PKNOX2: variants seen among roughly 807,000 people sequenced by gnomAD.
PKNOX2 encodes homeobox protein PKNOX2.
A neutral mutation model predicts 53.1 loss-of-function variants in PKNOX2; 14 were observed. The ratio of observed to expected loss-of-function variants is 0.26; its 90% CI spans 0.17 to 0.41. PKNOX2 has a LOEUF of 0.41. Ranked by LOEUF, PKNOX2 falls within the 10% of genes least tolerant of loss-of-function variation. PKNOX2 has a pLI of 1.00. For missense variants in PKNOX2, 496 were observed against 602.8 expected, an observed-to-expected ratio of 0.82 and a Z score of 1.85; for synonymous variants, 257 against 242.8, an observed-to-expected ratio of 1.06 and a Z score of -0.54.
At chr11:125,237,379 C>T (rs965879697) in intron 2 of PKNOX2, among the ~76,000 whole-genome samples, 1 of 152,140 alleles carries the variant, frequency 6.6e-6, no homozygotes, top group Non-Finnish European at 1.5e-5. Context: ...ACATAAATAC[C>T]CCCCTTCTCC....
chr11:125,329,135 AC>A (rs2136100085), intron 2 of PKNOX2, among the ~76,000 whole-genome samples: 1 of 152,368 alleles, frequency 6.6e-6, no homozygotes, highest in East Asian at 1.9e-4. Context: ...ATTATAGTAT[AC>A]CCATAAATGG....
In PKNOX2 at chr11:125,431,519, A is replaced by T; in HGVS notation, c.*127A>T. 1 of 1,127,050 alleles carries T rather than the reference A, an allele frequency of 8.9e-7. No homozygotes were observed. 69.8% of individuals were successfully genotyped at this position (1,127,050 alleles called of 1,614,324 possible). ...AGTTGGGCCCTAGCTTCCCCAAATC[A>T]GTAGCTTGAAGAAAGGCAAAGGAGA... On this transcript the variant is annotated 3_prime_UTR_variant, in exon 13 of 13. Coordinates refer to ENST00000298282, the MANE Select transcript of PKNOX2 (RefSeq NM_001382323.2).
At chr11:125,275,014 T>C (rs1293233563) in intron 2 of PKNOX2, among the ~76,000 whole-genome samples, 1 of 152,236 alleles carries the variant, frequency 6.6e-6, no homozygotes, top group African/African-American at 2.4e-5. Flanking sequence ...TGCAAGGCTT[T>C]ATTGTAGGTT....
chr11:125,324,193 A>G (rs1036062986), intron 2 of PKNOX2, among the ~76,000 whole-genome samples: 7 of 152,176 alleles, frequency 4.6e-5, no homozygotes, highest in African/African-American at 1.7e-4. Flanking sequence ...CTAGATAGGC[A>G]GGTGGACTCC....
chr11:125,186,443 G>C (rs1045485406), intron 1 of PKNOX2, among the ~76,000 whole-genome samples: 32 of 152,158 alleles, frequency 2.1e-4, no homozygotes, highest in Admixed American at 5.2e-4. Context: ...CTTGAGCCCA[G>C]GAGTTTGAGA....
chr11:125,364,403 G>A (rs1231944926), intron 4 of PKNOX2, among the ~76,000 whole-genome samples: 1 of 152,210 alleles, frequency 6.6e-6, no homozygotes, highest in African/African-American at 2.4e-5. Flanking sequence ...ACACTGGCAA[G>A]TGACCATTTT....
At chr11:125,351,160 G>A (rs957823592) in intron 3 of PKNOX2, 124 bp from the exon 4 acceptor site, 3 of 703,156 alleles carry the variant, frequency 4.3e-6, no homozygotes, top group Non-Finnish European at 7.9e-6. Flanking sequence ...CCTGAAGGGC[G>A]TGCAACCCTT....
At chr11:125,235,756 G>T (rs148953991) in intron 2 of PKNOX2, among the ~76,000 whole-genome samples, 4 of 152,132 alleles carry the variant, frequency 2.6e-5, no homozygotes, top group African/African-American at 7.2e-5. Context: ...CTGAAATTCC[G>T]CAGCATTCAC....
At chr11:125,178,185 C>T (rs1171240500) in intron 1 of PKNOX2, among the ~76,000 whole-genome samples, 6 of 152,086 alleles carry the variant, frequency 3.9e-5, no homozygotes, top group African/African-American at 1.4e-4. Flanking sequence ...CAGTAACTTA[C>T]CTAAGGCCAC....
At position 125,410,224 on chromosome 11, in the gene PKNOX2, T is replaced by C. The variant is rs921266663; in HGVS notation, c.617T>C (p.Met206Thr). The change falls in exon 8 of 13, where the codon ATG becomes ACG. Residue 206 changes from methionine to threonine, a missense_variant. Met to Thr is a moderately conservative substitution (Grantham distance 81). Around this residue, in one of 5 missense-constraint regions of PKNOX2, gnomAD observed 141 missense variants for 143.9 expected, o/e 0.98. Coordinates refer to ENST00000298282, the MANE Select transcript of PKNOX2 (RefSeq NM_001382323.2). ...QDLLQNSPNS[M>T]SGVSNNPQGI... ...CTCCTGCAGAATTCCCCCAATTCCA[T>C]GTCCGGAGTCTCCAATAACCCCCAG... 1 of 1,614,024 alleles carries C rather than the reference T, an allele frequency of 6.2e-7. No homozygotes were observed.
chr11:125,183,968 G>A (rs1033504852), intron 1 of PKNOX2, among the ~76,000 whole-genome samples: 6 of 152,110 alleles, frequency 3.9e-5, no homozygotes, highest in Non-Finnish European at 7.3e-5. Flanking sequence ...CCCTCCATTT[G>A]CCTCAAATAC....
chr11:125,173,772 C>A (rs1955501912), intron 1 of PKNOX2, among the ~76,000 whole-genome samples: 1 of 152,154 alleles, frequency 6.6e-6, no homozygotes, highest in African/African-American at 2.4e-5. Context: ...GTAAGCTGGA[C>A]CCCTGGGTGG....
intron 5 of PKNOX2, among the ~76,000 whole-genome samples, chr11:125,381,045 G>A (rs548334504): frequency 1.8e-4 from 27 of 152,182 alleles, no homozygotes; most frequent in African/African-American, 5.1e-4. Flanking sequence ...CCACGGAGTC[G>A]CTGAGAAATG....
chr11:125,308,247 G>A (rs553477227), intron 2 of PKNOX2, among the ~76,000 whole-genome samples: 1 of 152,318 alleles, frequency 6.6e-6, no homozygotes, highest in African/African-American at 2.4e-5. Context: ...ACGATGGGTA[G>A]CTCCTTGGCT....
intron 2 of PKNOX2, among the ~76,000 whole-genome samples, chr11:125,328,445 A>G (rs1949957189): frequency 6.6e-6 from 1 of 152,126 alleles, no homozygotes; most frequent in East Asian, 1.9e-4. Flanking sequence ...TTTGATGCCC[A>G]GGCCCCAGCA....
chr11:125,270,240 G>GGGA (rs1213210061), intron 2 of PKNOX2, among the ~76,000 whole-genome samples: 1 of 152,136 alleles, frequency 6.6e-6, no homozygotes, highest in African/African-American at 2.4e-5. Context: ...TCTCTCCCCT[G>GGGA]GGAGGAATCC....
chr11:125,176,440 C>A (rs2135234410), intron 1 of PKNOX2, among the ~76,000 whole-genome samples: 1 of 152,344 alleles, frequency 6.6e-6, no homozygotes, highest in Non-Finnish European at 1.5e-5. Context: ...GGAAGACGTT[C>A]AAGTTCCGTG....
intron 7 of PKNOX2, among the ~76,000 whole-genome samples, chr11:125,401,682 C>T (rs545899098): frequency 4.6e-5 from 7 of 152,122 alleles, no homozygotes; most frequent in South Asian, 2.1e-4. Context: ...TGCTAAGAAT[C>T]GGGGACCGAG....
At chr11:125,311,826 T>C (rs1424560487) in intron 2 of PKNOX2, among the ~76,000 whole-genome samples, 2 of 152,160 alleles carry the variant, frequency 1.3e-5, no homozygotes, top group African/African-American at 4.8e-5. Context: ...TCTTCCTCTG[T>C]GATCCTTAAA....
Sources: allele counts gnomAD v4.1 joint callset (sites outside exome capture counted in the v4.1 genomes callset), GRCh38; gene constraint gnomAD v4.1.1; regional missense constraint gnomAD v4.1.1; transcripts MANE v1.5; gene names NCBI Gene and HGNC (gene_info 2026-07-23, HGNC 2026-07-21).